SPOCK1: variants seen among roughly 807,000 people sequenced by gnomAD.
The protein encoded by SPOCK1 is testican-1.
A neutral mutation model predicts 55.3 loss-of-function variants in SPOCK1; 23 were observed. That is an observed-to-expected ratio of 0.42 (90% CI 0.30 to 0.59). The LOEUF (loss-of-function observed/expected upper bound fraction) is 0.59. SPOCK1 is among the 20% of genes least tolerant of loss of function. The pLI is 0.22. For synonymous variants in SPOCK1, 226 were observed against 221.0 expected (o/e 1.02, Z -0.20); for missense variants, 499 against 552.5 (o/e 0.90, Z 0.97).
chr5:137,440,408 T>C (rs946000725), intron 2 of SPOCK1, among the ~76,000 whole-genome samples: 1 of 152,158 alleles, frequency 6.6e-6, no homozygotes, highest in Non-Finnish European at 1.5e-5. Context: ...GGGAAGAGTA[T>C]GTACAGTTAG....
Position 137,067,508 on chromosome 5 carries a change from C to T in SPOCK1, c.589+207G>A, listed in dbSNP as rs556736388. The stretch of plus-strand genomic sequence containing the variant: ...GAACCTAGTGGATATCCTGGTCTAA[C>T]AGGATTATTTTCAAAGGCTCTTGTT... On this transcript the variant is annotated intron_variant, in intron 6 of 10. Transcript: ENST00000394945. 4.6e-5 allele frequency among the ~76,000 whole-genome samples: 7 copies of T among 152,328 alleles called. No individual in the cohort carries two copies. In the East Asian group the frequency reaches 1.3e-3, roughly 29 times the overall value.
intron 2 of SPOCK1, among the ~76,000 whole-genome samples, chr5:137,286,128 A>G (rs1257796063): frequency 3.9e-5 from 6 of 152,150 alleles, no homozygotes; most frequent in Admixed American, 2.6e-4. Flanking sequence ...AAAGGGAATG[A>G]GGTGCTGAGA....
chr5:137,105,753 G>A (rs1010674278), intron 5 of SPOCK1, among the ~76,000 whole-genome samples: 1 of 152,196 alleles, frequency 6.6e-6, no homozygotes, highest in African/African-American at 2.4e-5. Flanking sequence ...CAGGCAGAAG[G>A]GAAGAGAAAC....
intron 4 of SPOCK1, among the ~76,000 whole-genome samples, chr5:137,137,461 A>G (rs532478118): frequency 2.0e-5 from 3 of 152,338 alleles, no homozygotes; most frequent in Admixed American, 1.3e-4. Flanking sequence ...TGGACTGAGT[A>G]ATTCAGCCTC....
chr5:137,300,425 G>A (rs1379057016), intron 2 of SPOCK1, among the ~76,000 whole-genome samples: 1 of 152,100 alleles, frequency 6.6e-6, no homozygotes, highest in Admixed American at 6.5e-5. Flanking sequence ...CACATGCCTA[G>A]CGATTTGTAT....
rs148849644 is a variant in SPOCK1, at chr5:137,375,788, G to A, written c.187-108733C>T. On this transcript the variant is annotated intron_variant, in intron 2 of 10. Coordinates refer to ENST00000394945, the MANE Select transcript of SPOCK1 (RefSeq NM_004598.4). The stretch of plus-strand genomic sequence containing the variant: ...AATAAAACACTTGAGCAACAGAACC[G>A]GCTAATGGGAGCTTTGTGCTCCAAG... Among the ~76,000 whole-genome samples, 171 of 152,226 alleles carry A rather than the reference G, an allele frequency of 1.1e-3. 4 individuals carry two copies. Among genetic ancestry groups the A allele is most frequent in the Middle Eastern group, 0.01 (3 of 294 alleles).
At chr5:137,132,565 G>C (rs1174848408) in intron 4 of SPOCK1, among the ~76,000 whole-genome samples, 1 of 152,186 alleles carries the variant, frequency 6.6e-6, no homozygotes, top group Admixed American at 6.5e-5. Context: ...TACTGGAAAT[G>C]GAAGCAGGAA....
intron 2 of SPOCK1, among the ~76,000 whole-genome samples, chr5:137,390,536 AG>A (rs1306247807): frequency 2.0e-5 from 3 of 152,190 alleles, no homozygotes; most frequent in Non-Finnish European, 4.4e-5. Context: ...ATATGAGAAA[AG>A]GGGACTGAGG....
chr5:137,143,776 T>A (rs1754141917), intron 3 of SPOCK1, among the ~76,000 whole-genome samples: 1 of 152,174 alleles, frequency 6.6e-6, no homozygotes, highest in Non-Finnish European at 1.5e-5. Context: ...TCTGATTGGA[T>A]TACCACATTT....
At chr5:137,182,969 G>A (rs935149660) in intron 3 of SPOCK1, among the ~76,000 whole-genome samples, 1 of 152,152 alleles carries the variant, frequency 6.6e-6, no homozygotes, top group East Asian at 1.9e-4. Context: ...AACTCCTAGT[G>A]TGTTCATTAG....
intron 6 of SPOCK1, among the ~76,000 whole-genome samples, chr5:137,053,148 T>C (rs1455844907): frequency 4.6e-5 from 7 of 152,166 alleles, no homozygotes; most frequent in African/African-American, 1.7e-4. Flanking sequence ...AGGAACTACA[T>C]GCTCCTGAGA....
At chr5:137,335,878 G>A (rs937774233) in intron 2 of SPOCK1, among the ~76,000 whole-genome samples, 2 of 152,180 alleles carry the variant, frequency 1.3e-5, no homozygotes, top group African/African-American at 4.8e-5. Context: ...GAGCCCTGCG[G>A]TGCCCATCGC....
chr5:137,233,306 C>A (rs1188770345), intron 3 of SPOCK1, among the ~76,000 whole-genome samples: 5 of 152,160 alleles, frequency 3.3e-5, no homozygotes, highest in Non-Finnish European at 7.4e-5. Context: ...TAAATGGTTC[C>A]ATCTGGGGAT....
chr5:137,214,660 T>C (rs533734830), intron 3 of SPOCK1, among the ~76,000 whole-genome samples: 2 of 152,140 alleles, frequency 1.3e-5, no homozygotes, highest in South Asian at 4.2e-4. Flanking sequence ...ACAGAAACAA[T>C]ACCTCACATA....
At chr5:137,229,265 G>T (rs923841775) in intron 3 of SPOCK1, among the ~76,000 whole-genome samples, 8 of 152,208 alleles carry the variant, frequency 5.3e-5, no homozygotes, top group Admixed American at 3.3e-4. Context: ...CTTGGCAAAA[G>T]TATGAATTGG....
chr5:137,435,150 TTAAG>T (rs537170527), intron 2 of SPOCK1, among the ~76,000 whole-genome samples: 69 of 152,368 alleles, frequency 4.5e-4, no homozygotes, highest in African/African-American at 1.6e-3. Flanking sequence ...TTTAATTTCT[TTAAG>T]TAACCTCTCA....
chr5:136,984,767 C>T (rs922572579), intron 9 of SPOCK1, among the ~76,000 whole-genome samples: 5 of 152,178 alleles, frequency 3.3e-5, no homozygotes, highest in African/African-American at 4.8e-5. Flanking sequence ...CAATCCTATC[C>T]GGGGAATGGA....
chr5:137,257,839 C>T (rs553969911), intron 3 of SPOCK1, among the ~76,000 whole-genome samples: 10 of 152,326 alleles, frequency 6.6e-5, no homozygotes, highest in South Asian at 4.1e-4. Flanking sequence ...TGTCAGGGCA[C>T]CTCAAACACA....
intron 6 of SPOCK1, among the ~76,000 whole-genome samples, chr5:137,045,105 C>T (rs1315904125): frequency 2.7e-4 from 40 of 150,608 alleles, no homozygotes; most frequent in African/African-American, 8.9e-4. Context: ...AATAAACATA[C>T]GTGTGCATGT....
Sources: allele counts gnomAD v4.1 joint callset (sites outside exome capture counted in the v4.1 genomes callset), GRCh38; gene constraint gnomAD v4.1.1; transcripts MANE v1.5; gene names NCBI Gene and HGNC (gene_info 2026-07-23, HGNC 2026-07-21).